Variants in HYDIN observed in about 807,000 individuals in gnomAD.
The protein encoded by HYDIN is axonemal central pair apparatus protein HYDIN.
Under a neutral mutation model 403.9 loss-of-function variants are expected in HYDIN, and 132 were observed. That is an observed-to-expected ratio of 0.33 (90% CI 0.28 to 0.38). HYDIN has a LOEUF of 0.38. Among genes scored for constraint, HYDIN ranks in the 10% least tolerant of loss-of-function variants. HYDIN has a pLI of 1.00. For synonymous variants in HYDIN, 1,202 were observed against 1,891.7 expected, an observed-to-expected ratio of 0.64 and a Z score of 9.46; for missense variants, 2,827 against 5,009.5, an observed-to-expected ratio of 0.56 and a Z score of 13.15.
At chr16:70,900,226 A>G (rs2076327462) in intron 53 of HYDIN, among the ~76,000 whole-genome samples, 1 of 152,118 alleles carries the variant, frequency 6.6e-6, no homozygotes, top group Non-Finnish European at 1.5e-5. Flanking sequence ...CTGTAATCCC[A>G]GCACTTTGGG....
At chr16:71,113,525 C>T (rs1246290925) in intron 10 of HYDIN, 2 of 152,248 alleles carry the variant, frequency 1.3e-5, no homozygotes, top group East Asian at 1.9e-4. Flanking sequence ...CACCCAATTA[C>T]CATGTCTCTC....
At chr16:71,192,661 C>T (rs1186464733) in intron 1 of HYDIN, among the ~76,000 whole-genome samples, 1 of 152,066 alleles carries the variant, frequency 6.6e-6, no homozygotes, top group Non-Finnish European at 1.5e-5. Flanking sequence ...TGAATGACTC[C>T]CAAGGCTGCC....
At position 71,184,858 on chromosome 16, in the gene HYDIN, C is replaced by G; in HGVS notation, c.261+7G>C. 6.3e-7 allele frequency: 1 copy of G among 1,595,942 alleles called. No individual in the cohort carries two copies. The highest frequency in any genetic ancestry group is 8.6e-7 in the Non-Finnish European group (1 of 1,168,734). On this transcript the variant is annotated splice_region_variant and intron_variant, in intron 3 of 85. Coordinates refer to ENST00000393567, the MANE Select transcript of HYDIN (RefSeq NM_001270974.2). The stretch of plus-strand genomic sequence containing the variant: ...CTTTATATGTAAGTACGACAGAGAG[C>G]AGCTACCTTCTGATGTGTTGTTTCC...
chr16:71,130,633 G>A (rs1164735265), intron 8 of HYDIN, among the ~76,000 whole-genome samples: 2 of 151,230 alleles, frequency 1.3e-5, no homozygotes, highest in African/African-American at 4.9e-5. Context: ...GACTACAGGC[G>A]CCCGCCACCG....
At chr16:71,152,203 C>A (rs2085562959) in intron 7 of HYDIN, among the ~76,000 whole-genome samples, 2 of 151,496 alleles carry the variant, frequency 1.3e-5, no homozygotes, top group African/African-American at 4.8e-5. Context: ...GGATTTCTGA[C>A]TCCACATCAT....
chr16:70,998,873 G>A (rs1172566660), intron 23 of HYDIN, among the ~76,000 whole-genome samples: 2 of 152,164 alleles, frequency 1.3e-5, no homozygotes, highest in Admixed American at 1.3e-4. Flanking sequence ...AATGACAGAT[G>A]GAAACAGATG....
chr16:71,035,652 T>C (rs1213023608), intron 18 of HYDIN, among the ~76,000 whole-genome samples: 1 of 151,546 alleles, frequency 6.6e-6, no homozygotes, highest in African/African-American at 2.4e-5. Flanking sequence ...GATAAGTTTA[T>C]GGTAGCTGTT....
intron 53 of HYDIN, among the ~76,000 whole-genome samples, chr16:70,897,170 C>T (rs2076228337): frequency 6.6e-6 from 1 of 152,046 alleles, no homozygotes; most frequent in South Asian, 2.1e-4. Context: ...CCCAAATAAT[C>T]CCATCAAAAA....
intron 18 of HYDIN, among the ~76,000 whole-genome samples, chr16:71,050,664 G>T (rs1313060553): frequency 6.6e-6 from 1 of 151,608 alleles, no homozygotes; most frequent in Non-Finnish European, 1.5e-5. Context: ...CTTCAGGTTG[G>T]CTTCTTTCAG....
At chr16:71,190,092 G>C (rs1345917552) in intron 1 of HYDIN, among the ~76,000 whole-genome samples, 1 of 152,042 alleles carries the variant, frequency 6.6e-6, no homozygotes, top group East Asian at 1.9e-4. Context: ...AAGCCCATAA[G>C]CAATGAAAGT....
At chr16:71,113,004 T>C (rs1189030746) in intron 10 of HYDIN, among the ~76,000 whole-genome samples, 1 of 151,706 alleles carries the variant, frequency 6.6e-6, no homozygotes, top group African/African-American at 2.4e-5. Context: ...CTTTATGGGG[T>C]GATCTCAGAT....
intron 54 of HYDIN, among the ~76,000 whole-genome samples, 173 bp downstream of exon 54, chr16:70,895,808 C>T (rs376996517): frequency 1.8e-4 from 27 of 151,728 alleles, no homozygotes; most frequent in African/African-American, 6.1e-4. Flanking sequence ...GGAGAAATTA[C>T]GATTTGTAGT....
chr16:71,059,932 G>C (rs2082026314), intron 18 of HYDIN, among the ~76,000 whole-genome samples: 1 of 151,774 alleles, frequency 6.6e-6, no homozygotes. Flanking sequence ...TGTCTTTGCT[G>C]TTCACTTTAA....
intron 6 of HYDIN, among the ~76,000 whole-genome samples, chr16:71,161,343 G>C (rs1045374932): frequency 6.6e-6 from 1 of 152,182 alleles, no homozygotes; most frequent in Non-Finnish European, 1.5e-5. Flanking sequence ...TTGCTCTCTT[G>C]TCCACCACTC....
intron 71 of HYDIN, 129 bp downstream of exon 71, chr16:70,859,939 T>C (rs2039299982): frequency 7.3e-6 from 5 of 688,904 alleles, no homozygotes; most frequent in Non-Finnish European, 1.3e-5. Context: ...CACTAAATAC[T>C]TGTTGATTGA....
At chr16:70,960,897 C>T (rs1798349) in intron 38 of HYDIN, among the ~76,000 whole-genome samples, 87 of 141,462 alleles carry the variant, frequency 6.2e-4, no homozygotes, top group African/African-American at 1.7e-3. Context: ...TTCATCGTGT[C>T]AGCCAGGATG....
At chr16:71,139,046 T>C (rs1466370004) in intron 7 of HYDIN, among the ~76,000 whole-genome samples, 1 of 146,916 alleles carries the variant, frequency 6.8e-6, no homozygotes, top group Non-Finnish European at 1.5e-5. Context: ...ATCGTCCCAT[T>C]GCACTCTACC....
rs13331525 is a variant in HYDIN, at chr16:70,955,690, C to G, written c.6143-142G>C. The G allele has an allele frequency of 8.0e-3, 4,437 of 555,210 alleles. 122 individuals are homozygous for G. The highest frequency in any genetic ancestry group is 0.068 in the African/African-American group (3,561 of 52,694). The allele number at this position is 555,210 out of a possible 1,614,324, so 34.4% of individuals were successfully genotyped here. A position where few individuals can be genotyped will look rare whatever the true frequency, so the allele number is the denominator to read the frequency against. On this transcript the variant is annotated intron_variant, in intron 39 of 85. Transcript: ENST00000393567. ...CTTCCCATGTGGCTGGAGGTGTTAG[C>G]AGCAAAGAGAAGGAAGACCTCAGCC...
At chr16:71,132,997 C>T (rs1408124775) in intron 8 of HYDIN, 1 of 250,630 alleles carries the variant, frequency 4.0e-6, no homozygotes, top group African/African-American at 2.3e-5. Context: ...AGCAGGCCAG[C>T]CCTCTCTTCA....
Sources: gnomAD v4.1 joint callset for allele counts (sites outside exome capture counted in the v4.1 genomes callset) on GRCh38, gnomAD v4.1.1 for gene constraint, MANE v1.5 for transcripts, NCBI Gene and HGNC (gene_info 2026-07-23, HGNC 2026-07-21) for gene names.